Variants in OTOA observed in about 807,000 individuals in gnomAD.
The protein encoded by OTOA is cancer/testis antigen 108.
In OTOA, 70 loss-of-function variants were observed where a neutral mutation model predicts 110.8. The observed-to-expected ratio is 0.63, with a 90% CI of 0.52 to 0.77. The LOEUF is 0.77. Among genes scored for constraint, OTOA ranks in the 30% least tolerant of loss-of-function variants. OTOA has a pLI of 0.00. For missense variants in OTOA, 917 were observed against 1,075.8 expected, an observed-to-expected ratio of 0.85 and a Z score of 2.06; for synonymous variants, 373 against 431.5, an observed-to-expected ratio of 0.86 and a Z score of 1.68.
intron 18 of OTOA, among the ~76,000 whole-genome samples, chr16:21,723,375 A>G (rs1898819306): frequency 6.6e-6 from 1 of 151,388 alleles, no homozygotes; most frequent in African/African-American, 2.4e-5. Context: ...TGATCTGGAC[A>G]TTGTTTCTCT....
intron 28 of OTOA, among the ~76,000 whole-genome samples, chr16:21,758,707 A>G (rs955880514): frequency 2.0e-5 from 3 of 150,372 alleles, no homozygotes; most frequent in African/African-American, 7.3e-5. Flanking sequence ...ACTTTAAAAC[A>G]CTTTTCATTG....
chr16:21,732,152 T>A (rs1239281910), intron 21 of OTOA, among the ~76,000 whole-genome samples: 1 of 151,922 alleles, frequency 6.6e-6, no homozygotes, highest in Non-Finnish European at 1.5e-5. Context: ...TTTTAGTAGA[T>A]ATGGGGCTTC....
In OTOA at chr16:21,752,420, C is replaced by T. The variant is rs199825397; in HGVS notation, c.2970C>T (p.Ala990=). Reference sequence around the variant, plus strand: ...TGCTCTGCAGCACACATGTCTTAGCCGAGTTTAAGAGGAAGGCTGAAGTTG... The same window carrying T: ...TGCTCTGCAGCACACATGTCTTAGCTGAGTTTAAGAGGAAGGCTGAAGTTG... The part of the protein sequence containing the change: ...GTLLCSTHVL[A]EFKRKAEVVF... Residue 990 remains alanine (A), a synonymous_variant, in exon 26 of 29, where the codon GCC becomes GCT. Coordinates refer to ENST00000646100, the MANE Select transcript of OTOA (RefSeq NM_144672.4). The T allele has an allele frequency of 3.6e-3, 1,485 of 410,340 alleles. 19 individuals are homozygous for T. In the African/African-American group the frequency reaches 0.047, roughly 13 times the overall value. The allele number at this position is 410,340 out of a possible 1,614,324, so 25.4% of individuals were successfully genotyped here.
chr16:21,732,846 A>C lies in OTOA; in HGVS notation c.2301+1916A>C, dbSNP rs1412745273. Reference sequence around the variant, plus strand: ...CTTCTGGGGAAGGAGGAAGGCAAAGAGTGAAGGAGGGACTTATTATTTATA... The same window carrying C: ...CTTCTGGGGAAGGAGGAAGGCAAAGCGTGAAGGAGGGACTTATTATTTATA... On this transcript the variant is annotated intron_variant, in intron 21 of 28. Transcript: ENST00000646100. 2.1e-5 allele frequency among the ~76,000 whole-genome samples: 3 copies of C among 145,234 alleles called. No homozygotes were observed. In the Admixed American group the frequency reaches 2.1e-4, roughly 10 times the overall value.
At chr16:21,703,435 G>A (rs1295619675) in intron 11 of OTOA, among the ~76,000 whole-genome samples, 2 of 151,972 alleles carry the variant, frequency 1.3e-5, no homozygotes, top group Admixed American at 6.6e-5. Flanking sequence ...CATCCATGGG[G>A]TCCCATATGA....
At chr16:21,705,813 C>G (rs551026198) in intron 12 of OTOA, among the ~76,000 whole-genome samples, 1 of 152,094 alleles carries the variant, frequency 6.6e-6, no homozygotes, top group Non-Finnish European at 1.5e-5. Context: ...GTGGCATGCG[C>G]CTGTAATCCC....
Position 21,679,021 on chromosome 16 carries a change from C to T in OTOA, c.121-15C>T, listed in dbSNP as rs1463989900. On this transcript the variant is annotated splice_polypyrimidine_tract_variant and intron_variant, in intron 3 of 28. Coordinates refer to ENST00000646100, the MANE Select transcript of OTOA (RefSeq NM_144672.4). ...TTTTGGTTGTTATACTTGATGTTATCTCTTTGCCTTTTAGGAAGAAATAAT... is the reference window on the plus strand; with the variant it reads ...TTTTGGTTGTTATACTTGATGTTATTTCTTTGCCTTTTAGGAAGAAATAAT... 2 of 1,613,982 alleles carry T rather than the reference C, an allele frequency of 1.2e-6. No homozygotes were observed. Among genetic ancestry groups the T allele is most frequent in the East Asian group, 2.2e-5 (1 of 44,862 alleles).
At chr16:21,683,134 T>C (rs929348132) in intron 6 of OTOA, among the ~76,000 whole-genome samples, 1 of 152,214 alleles carries the variant, frequency 6.6e-6, no homozygotes, top group Non-Finnish European at 1.5e-5. Context: ...CACTGAGGAC[T>C]CAGTAGGGAA....
intron 27 of OTOA, among the ~76,000 whole-genome samples, chr16:21,756,514 C>T (rs1899990059): frequency 6.6e-6 from 1 of 152,032 alleles, no homozygotes; most frequent in Non-Finnish European, 1.5e-5. Flanking sequence ...CGAATTCAGG[C>T]CTCTGATCTT....
chr16:21,714,272 TTTC>T (rs1898451768), intron 13 of OTOA, among the ~76,000 whole-genome samples: 1 of 104,538 alleles, frequency 9.6e-6, no homozygotes, highest in Admixed American at 9.9e-5. Flanking sequence ...TCTTTCTTTC[TTTC>T]CTCCTTCCTT....
intron 24 of OTOA, among the ~76,000 whole-genome samples, chr16:21,749,851 T>G (rs1351057599): frequency 4.3e-5 from 6 of 139,258 alleles, no homozygotes; most frequent in Non-Finnish European, 9.3e-5. Flanking sequence ...GCCTGGCTAA[T>G]TTTTGTATTT....
At chr16:21,701,092 C>T in intron 11 of OTOA, 65 bp downstream of exon 11, 2 of 1,609,240 alleles carry the variant, frequency 1.2e-6, no homozygotes, top group South Asian at 2.2e-5. Flanking sequence ...TCAGAATTCT[C>T]TGAGCAGCAA....
intron 28 of OTOA, among the ~76,000 whole-genome samples, chr16:21,759,551 G>A (rs1900101938): frequency 6.6e-6 from 1 of 151,436 alleles, no homozygotes; most frequent in Admixed American, 6.6e-5. Context: ...AAGTATGTCT[G>A]TAGGATAAAC....
At chr16:21,689,917 C>G (rs1044246753) in intron 8 of OTOA, among the ~76,000 whole-genome samples, 3 of 152,064 alleles carry the variant, frequency 2.0e-5, no homozygotes, top group Non-Finnish European at 4.4e-5. Flanking sequence ...AACTCCTGAC[C>G]TCAGGTGATC....
intron 21 of OTOA, among the ~76,000 whole-genome samples, chr16:21,731,216 G>A (rs1003764483): frequency 1.3e-5 from 2 of 152,322 alleles, no homozygotes; most frequent in Admixed American, 6.5e-5. Flanking sequence ...CATCTCACAC[G>A]CACGTCTGTT....
At chr16:21,714,731 G>A (rs917666501) in intron 13 of OTOA, among the ~76,000 whole-genome samples, 2 of 151,958 alleles carry the variant, frequency 1.3e-5, no homozygotes, top group Non-Finnish European at 1.5e-5. Flanking sequence ...AGGTGGTCTC[G>A]AACTCTTGAC....
chr16:21,710,051 G>C lies in OTOA; in HGVS notation c.1268G>C (p.Trp423Ser). The C allele has an allele frequency of 6.2e-7, 1 of 1,614,026 alleles. No individual in the cohort carries two copies. The highest frequency in any genetic ancestry group is 1.1e-5 in the South Asian group (1 of 91,074). The change falls in exon 13 of 29, where the codon TGG becomes TCG. Residue 423 changes from tryptophan (W) to serine (S), a missense_variant. Around this residue, in one of 6 missense-constraint regions of OTOA, gnomAD observed 840 missense variants for 910.2 expected, o/e 0.92. Transcript: ENST00000646100. ...AISTLNQVSGWAKSQVIILSA... is the reference protein window; with the variant it reads ...AISTLNQVSGSAKSQVIILSA... ...TCCACCCTCAACCAGGTCTCAGGTT[G>C]GGCCAAGAGCCAGGTCATCATCTTG...
intron 5 of OTOA, among the ~76,000 whole-genome samples, chr16:21,680,184 T>TATTC (rs1555496411): frequency 2.0e-5 from 3 of 150,060 alleles, no homozygotes; most frequent in African/African-American, 7.4e-5. Context: ...TTTATTAATT[T>TATTC]ATCCATCCAT....
At chr16:21,724,406 G>A in intron 18 of OTOA, among the ~76,000 whole-genome samples, 1 of 152,056 alleles carries the variant, frequency 6.6e-6, no homozygotes, top group Admixed American at 6.6e-5. Context: ...CAATCACTCT[G>A]GGAACACATG....
Sources: gnomAD v4.1 joint callset for allele counts (sites outside exome capture counted in the v4.1 genomes callset) on GRCh38, gnomAD v4.1.1 for gene constraint, gnomAD v4.1.1 regional missense constraint, MANE v1.5 for transcripts, NCBI Gene and HGNC (gene_info 2026-07-23, HGNC 2026-07-21) for gene names.